Variants in ATG7 observed in about 807,000 individuals in gnomAD.
ATG7 encodes autophagy related 7.
Under a neutral mutation model 82.4 loss-of-function variants are expected in ATG7, and 70 were observed. The ratio of observed to expected loss-of-function variants is 0.85; its 90% CI spans 0.70 to 1.04. The LOEUF is 1.04. ATG7 is among the 50% of genes least tolerant of loss of function. The probability of loss-of-function intolerance (pLI) is 0.00; values close to 1 mark genes in which losing one functional copy is unlikely to be tolerated. For missense variants in ATG7, 792 were observed against 864.3 expected (o/e 0.92, Z 1.05); for synonymous variants, 287 against 313.0 (o/e 0.92, Z 0.88).
chr3:11,368,582 A>C (rs1313381122), intron 18 of ATG7, among the ~76,000 whole-genome samples: 1 of 152,122 alleles, frequency 6.6e-6, no homozygotes, highest in Admixed American at 6.5e-5. Context: ...GCTTGAGCCC[A>C]GGGGTTCAAG....
intron 20 of ATG7, chr3:11,488,424 C>G (rs1220797595): frequency 8.1e-7 from 1 of 1,230,634 alleles, no homozygotes; most frequent in Non-Finnish European, 1.1e-6. Context: ...ATCCTCCCGG[C>G]GGTCGGGCAG....
At chr3:11,332,550 A>C (rs1183275247) in intron 10 of ATG7, among the ~76,000 whole-genome samples, 1 of 152,208 alleles carries the variant, frequency 6.6e-6, no homozygotes, top group African/African-American at 2.4e-5. Flanking sequence ...CACAGTGCAA[A>C]TGGGCTTCCT....
At chr3:11,574,785 A>ATGTGTG in the ATG7 span, among the ~76,000 whole-genome samples, 9,383 of 121,616 alleles carry the variant, frequency 0.077, 493 homozygotes, top group East Asian at 0.12. Context: ...TCAACTATAT[A>ATGTGTG]TGTGTGTGTG....
chr3:11,540,907 T>TGGG (rs1230126956), intron 20 of ATG7, among the ~76,000 whole-genome samples: 4 of 34,704 alleles, frequency 1.2e-4, no homozygotes, highest in South Asian at 9.7e-4. Flanking sequence ...TAGCTTTTTT[T>TGGG]GGGGGGGGGA....
intron 1 of ATG7, among the ~76,000 whole-genome samples, chr3:11,273,264 ATTGACTAC>A (rs1940919634): frequency 6.6e-6 from 1 of 152,094 alleles, no homozygotes; most frequent in Admixed American, 6.5e-5. Context: ...TCCCTTTTTC[ATTGACTAC>A]TTAGATTTTT....
intron 9 of ATG7, among the ~76,000 whole-genome samples, chr3:11,328,058 C>A (rs1318542689): frequency 3.3e-5 from 5 of 152,174 alleles, no homozygotes; most frequent in African/African-American, 9.7e-5. Context: ...ACCCCAAATT[C>A]AAGTCCATGG....
At chr3:11,403,629 T>A (rs1442392750) in intron 19 of ATG7, among the ~76,000 whole-genome samples, 2 of 152,240 alleles carry the variant, frequency 1.3e-5, no homozygotes, top group African/African-American at 4.8e-5. Flanking sequence ...TGATAATCAA[T>A]TATTAAGTAG....
At position 11,557,460 on chromosome 3, in the gene ATG7, A is replaced by G. The variant is rs2072545247; in HGVS notation, c.*2617A>G. ...TGTAACAAAGCAGACAGGGATGCAA[A>G]AATAAATGATGTCAGCCTGCAGCCA... is the stretch of plus-strand genomic sequence containing the variant. On this transcript the variant is annotated 3_prime_UTR_variant, in exon 21 of 21. Coordinates refer to ENST00000693202, the MANE Select transcript of ATG7 (RefSeq NM_001349232.2). 1 of 152,592 alleles carries G rather than the reference A, an allele frequency of 6.6e-6. No homozygotes were observed. Among genetic ancestry groups the G allele is most frequent in the Admixed American group, 6.5e-5 (1 of 15,274 alleles). The allele number at this position is 152,592 out of a possible 1,614,324, so 9.5% of individuals were successfully genotyped here. A position where few individuals can be genotyped will look rare whatever the true frequency, so the allele number is the denominator to read the frequency against.
At chr3:11,508,325 C>G (rs1184227577) in intron 20 of ATG7, among the ~76,000 whole-genome samples, 1 of 117,548 alleles carries the variant, frequency 8.5e-6, no homozygotes, top group Non-Finnish European at 1.7e-5. Context: ...CTAACGATAG[C>G]TGATGAGCTT....
intron 19 of ATG7, among the ~76,000 whole-genome samples, chr3:11,422,960 G>A (rs905597847): frequency 2.0e-5 from 3 of 151,892 alleles, no homozygotes; most frequent in African/African-American, 7.3e-5. Context: ...TCACCATGTT[G>A]GCCAGGCTGG....
chr3:11,513,740 G>A (rs2092165879), intron 20 of ATG7, among the ~76,000 whole-genome samples: 1 of 152,186 alleles, frequency 6.6e-6, no homozygotes, highest in African/African-American at 2.4e-5. Context: ...CAAAGTGGGA[G>A]CCCAGGCAGA....
In ATG7 at chr3:11,406,225, A is replaced by G. The variant is rs1483553306; in HGVS notation, c.1957-20579A>G. Among the ~76,000 whole-genome samples, 7 of 152,100 alleles carry G rather than the reference A, an allele frequency of 4.6e-5. No individual in the cohort carries two copies. In the East Asian group the frequency reaches 9.6e-4, roughly 21 times the overall value. On this transcript the variant is annotated intron_variant, in intron 19 of 20. Coordinates refer to ENST00000693202, the MANE Select transcript of ATG7 (RefSeq NM_001349232.2). ...GGCTGGTCTCTAACTCCTGGACTCA[A>G]GTGATCTGCCCACCCCAGCCTCTCA...
intron 20 of ATG7, among the ~76,000 whole-genome samples, chr3:11,431,926 G>C (rs1235538644): frequency 6.6e-6 from 1 of 152,220 alleles, no homozygotes; most frequent in Non-Finnish European, 1.5e-5. Flanking sequence ...GATTTAGTGA[G>C]ATTGACTAGT....
At position 11,504,427 on chromosome 3, in the gene ATG7, C is replaced by T. The variant is rs575695057; in HGVS notation, c.2080-50384C>T. On this transcript the variant is annotated intron_variant, in intron 20 of 20. Coordinates refer to ENST00000693202, the MANE Select transcript of ATG7 (RefSeq NM_001349232.2). ...ATGAACTCCAGAAAAGTAAGAGTAA[C>T]CAAGAAAGGGAAAGAGATGGAATAT... 3.9e-5 allele frequency among the ~76,000 whole-genome samples: 6 copies of T among 152,162 alleles called. No individual in the cohort carries two copies. In the East Asian group the frequency reaches 1.2e-3, roughly 29 times the overall value.
At chr3:11,434,924 C>G (rs2083239293) in intron 20 of ATG7, among the ~76,000 whole-genome samples, 2 of 152,162 alleles carry the variant, frequency 1.3e-5, no homozygotes, top group South Asian at 4.2e-4. Context: ...TCATGAGTGA[C>G]CTTGGATGAA....
At chr3:11,574,390 C>T in the ATG7 span, among the ~76,000 whole-genome samples, 3 of 152,236 alleles carry the variant, frequency 2.0e-5, no homozygotes, top group Admixed American at 6.5e-5. Context: ...AGGCACTGCA[C>T]GAGCACCGCA....
intron 20 of ATG7, among the ~76,000 whole-genome samples, chr3:11,490,055 C>G (rs2090184349): frequency 6.6e-6 from 1 of 152,126 alleles, no homozygotes; most frequent in Non-Finnish European, 1.5e-5. Flanking sequence ...TCTCTTTGAT[C>G]TGTCTAATGT....
rs191061629 is a variant in ATG7, at chr3:11,484,660, A to G, written c.2079+57734A>G. ...GGTGTGCTGCACCCATTAACTCATCATTCAGCATTAGGTATATCTCCTAAA... is the reference window on the plus strand; with the variant it reads ...GGTGTGCTGCACCCATTAACTCATCGTTCAGCATTAGGTATATCTCCTAAA... On this transcript the variant is annotated intron_variant, in intron 20 of 20. Coordinates refer to ENST00000693202, the MANE Select transcript of ATG7 (RefSeq NM_001349232.2). 3.3e-5 allele frequency among the ~76,000 whole-genome samples: 5 copies of G among 152,284 alleles called. No individual in the cohort carries two copies. The East Asian group carries it at 9.6e-4, about 29-fold the overall frequency.
chr3:11,496,208 A>G (rs1010191705), intron 20 of ATG7, among the ~76,000 whole-genome samples: 2 of 152,258 alleles, frequency 1.3e-5, no homozygotes, highest in African/African-American at 4.8e-5. Context: ...GGCAAGGCCA[A>G]GTTAAACAGG....
Sources: allele counts gnomAD v4.1 joint callset (sites outside exome capture counted in the v4.1 genomes callset), GRCh38; gene constraint gnomAD v4.1.1; transcripts MANE v1.5; gene names NCBI Gene and HGNC (gene_info 2026-07-23, HGNC 2026-07-21).